IGF2BP2: variants seen among roughly 807,000 people sequenced by gnomAD.
IGF2BP2 encodes the protein insulin like growth factor 2 mRNA binding protein 2, also known as insulin-like growth factor 2 mRNA-binding protein 2.
In IGF2BP2, 17 loss-of-function variants were observed where a neutral mutation model predicts 75.8. The observed-to-expected ratio is 0.22, with a 90% CI of 0.15 to 0.34. IGF2BP2 has a LOEUF of 0.34. Ranked by LOEUF, IGF2BP2 falls within the 10% of genes least tolerant of loss-of-function variation. The probability of loss-of-function intolerance (pLI) is 1.00; values close to 1 mark genes in which losing one functional copy is unlikely to be tolerated. For missense variants in IGF2BP2, 516 were observed against 772.4 expected (o/e 0.67, Z 3.93); for synonymous variants, 288 against 295.6 (o/e 0.97, Z 0.26).
chr3:185,743,423 G>A (rs995591301), intron 2 of IGF2BP2, among the ~76,000 whole-genome samples: 1 of 152,016 alleles, frequency 6.6e-6, no homozygotes, highest in Non-Finnish European at 1.5e-5. Flanking sequence ...TTACAGGTGC[G>A]TGTCACCACG....
At chr3:185,763,854 A>C (rs968665323) in intron 2 of IGF2BP2, among the ~76,000 whole-genome samples, 2 of 152,108 alleles carry the variant, frequency 1.3e-5, no homozygotes, top group Non-Finnish European at 2.9e-5. Flanking sequence ...ACAGTCTCTA[A>C]AGAAGGAGAA....
chr3:185,679,004 T>C (rs549675697), intron 7 of IGF2BP2, among the ~76,000 whole-genome samples: 5 of 152,208 alleles, frequency 3.3e-5, no homozygotes, highest in African/African-American at 4.8e-5. Context: ...TTTCAGCCTA[T>C]ATGTGTCCTT....
chr3:185,688,018 G>T (rs1307228231), intron 6 of IGF2BP2, among the ~76,000 whole-genome samples: 1 of 151,550 alleles, frequency 6.6e-6, no homozygotes, highest in African/African-American at 2.4e-5. Context: ...GAAAAGCCAG[G>T]GCTGATTTTA....
In IGF2BP2 at chr3:185,821,693, C is replaced by G. The variant is rs139982306; in HGVS notation, c.239+1460G>C. Among the ~76,000 whole-genome samples the G allele has an allele frequency of 1.1e-4, 17 of 151,962 alleles. No individual in the cohort carries two copies. In the East Asian group the frequency reaches 2.5e-3, roughly 22 times the overall value. On this transcript the variant is annotated intron_variant, in intron 2 of 15. Coordinates refer to ENST00000382199, the MANE Select transcript of IGF2BP2 (RefSeq NM_006548.6). The stretch of plus-strand genomic sequence containing the variant: ...AGTATTCACAACCGCAAACAGCCAA[C>G]AGAATTAGACATTTATAGAAACATA...
At chr3:185,737,690 T>C (rs1729035965) in intron 2 of IGF2BP2, among the ~76,000 whole-genome samples, 1 of 152,180 alleles carries the variant, frequency 6.6e-6, no homozygotes, top group Non-Finnish European at 1.5e-5. Context: ...GAATTATTTA[T>C]CCATTTACTA....
intron 10 of IGF2BP2, among the ~76,000 whole-genome samples, chr3:185,668,861 T>C (rs1224469335): frequency 1.3e-5 from 2 of 152,130 alleles, no homozygotes; most frequent in Non-Finnish European, 2.9e-5. Context: ...AACAATCCCC[T>C]AATGTAGGTA....
intron 2 of IGF2BP2, among the ~76,000 whole-genome samples, chr3:185,808,132 A>AGAAAG (rs1553896278): frequency 9.3e-5 from 12 of 128,730 alleles, no homozygotes; most frequent in Non-Finnish European, 1.6e-4. Context: ...AAAAAAAAAA[A>AGAAAG]AAAGAAAGAA....
intron 2 of IGF2BP2, among the ~76,000 whole-genome samples, chr3:185,713,993 G>A (rs1021428500): frequency 3.3e-5 from 5 of 152,302 alleles, no homozygotes; most frequent in East Asian, 1.9e-4. Flanking sequence ...GAGCCACCAC[G>A]TCTAGCCCAA....
intron 7 of IGF2BP2, among the ~76,000 whole-genome samples, chr3:185,682,538 T>C (rs1720539309): frequency 6.6e-6 from 1 of 152,166 alleles, no homozygotes; most frequent in South Asian, 2.1e-4. Flanking sequence ...TGGACTAATA[T>C]ATAGTTAATG....
At chr3:185,796,978 C>T (rs1190522345) in intron 2 of IGF2BP2, among the ~76,000 whole-genome samples, 1 of 152,164 alleles carries the variant, frequency 6.6e-6, no homozygotes, top group Non-Finnish European at 1.5e-5. Context: ...CAACAACACA[C>T]TCCAAACCCC....
intron 2 of IGF2BP2, among the ~76,000 whole-genome samples, chr3:185,778,009 G>C (rs1295418591): frequency 2.0e-5 from 3 of 151,390 alleles, no homozygotes; most frequent in Non-Finnish European, 4.4e-5. Flanking sequence ...GCAAGAGTGA[G>C]ACTCCGTCAA....
intron 2 of IGF2BP2, chr3:185,729,539 C>T (rs1319228830): frequency 6.6e-6 from 1 of 152,130 alleles, no homozygotes; most frequent in East Asian, 1.9e-4. Flanking sequence ...TTGTATGGTG[C>T]AACATCAACA....
intron 7 of IGF2BP2, among the ~76,000 whole-genome samples, chr3:185,679,181 G>A (rs1292692951): frequency 4.0e-5 from 6 of 151,688 alleles, no homozygotes. Flanking sequence ...TAGCTTTTTT[G>A]TCCCTTCTTT....
chr3:185,701,604 A>T (rs1219534982), intron 2 of IGF2BP2, among the ~76,000 whole-genome samples: 3 of 152,252 alleles, frequency 2.0e-5, no homozygotes, highest in African/African-American at 7.2e-5. Flanking sequence ...AACTGAATGC[A>T]TCTAAAACAA....
intron 10 of IGF2BP2, among the ~76,000 whole-genome samples, chr3:185,659,925 G>T (rs754738518): frequency 6.6e-6 from 1 of 151,910 alleles, no homozygotes; most frequent in Admixed American, 6.6e-5. Context: ...CTCCCAAATA[G>T]CTGGGATTAC....
chr3:185,815,016 A>C (rs1740416424), intron 2 of IGF2BP2, among the ~76,000 whole-genome samples: 1 of 152,118 alleles, frequency 6.6e-6, no homozygotes, highest in Non-Finnish European at 1.5e-5. Context: ...TGTATCCTAA[A>C]CAAAAAAACC....
chr3:185,677,068 TAGAGAGAGAGAGAGAGAGAG>T (rs71164535), intron 7 of IGF2BP2, among the ~76,000 whole-genome samples: 6 of 35,862 alleles, frequency 1.7e-4, no homozygotes, highest in Non-Finnish European at 9.3e-5. Context: ...TATATATATA[TAGAGAGAGAGAGAGAGAGAG>T]AGAGAGAGAG....
At chr3:185,724,199 GAC>G (rs1477412169) in intron 2 of IGF2BP2, among the ~76,000 whole-genome samples, 1 of 152,294 alleles carries the variant, frequency 6.6e-6, no homozygotes, top group Non-Finnish European at 1.5e-5. Context: ...TGAAGAGGCA[GAC>G]ACAGTCACTG....
chr3:185,744,440 G>T (rs1291765320), intron 2 of IGF2BP2, among the ~76,000 whole-genome samples: 2 of 152,140 alleles, frequency 1.3e-5, no homozygotes, highest in Admixed American at 1.3e-4. Flanking sequence ...AGAAAAGGAG[G>T]TTTAAAATCT....
Sources: gnomAD v4.1 joint callset for allele counts (sites outside exome capture counted in the v4.1 genomes callset) on GRCh38, gnomAD v4.1.1 for gene constraint, MANE v1.5 for transcripts, NCBI Gene and HGNC (gene_info 2026-07-23, HGNC 2026-07-21) for gene names.